The following ADCK5 variants were observed in gnomAD, a reference collection of about 807,000 sequenced individuals.
ADCK5 encodes aarF domain containing kinase 5.
A neutral mutation model predicts 64.9 loss-of-function variants in ADCK5; 43 were observed. That is an observed-to-expected ratio of 0.66 (90% CI 0.52 to 0.85). The LOEUF is 0.85. Ranked by LOEUF, ADCK5 falls within the 40% of genes least tolerant of loss-of-function variation. ADCK5 has a pLI of 0.00. For missense variants in ADCK5, 760 were observed against 810.5 expected, an observed-to-expected ratio of 0.94 and a Z score of 0.76; for synonymous variants, 434 against 342.8, an observed-to-expected ratio of 1.27 and a Z score of -2.94.
rs1179384183 is a variant in ADCK5, at chr8:144,384,905, G to A, written c.266+1675G>A. Among the ~76,000 whole-genome samples the A allele has an allele frequency of 3.3e-5, 5 of 152,198 alleles. No homozygotes were observed. The highest frequency in any genetic ancestry group is 1.3e-4 in the Admixed American group (2 of 15,276). Reference sequence around the variant, plus strand: ...TGCACGTTCTCCTTGGCTCTAAGCCGTCACGGTTGCATAGACAAGCAGGCC... The same window carrying A: ...TGCACGTTCTCCTTGGCTCTAAGCCATCACGGTTGCATAGACAAGCAGGCC... On this transcript the variant is annotated intron_variant, in intron 3 of 14. Coordinates refer to ENST00000308860, the MANE Select transcript of ADCK5 (RefSeq NM_174922.5). The surrounding 1 kb of genome is among the most constrained non-coding windows in gnomAD (Gnocchi z 5.7).
At chr8:144,392,418 T>TGC in intron 12 of ADCK5, 27 bp from the exon 13 acceptor site, 3 of 799,202 alleles carry the variant, frequency 3.8e-6, no homozygotes, top group Non-Finnish European at 3.4e-6. Context: ...CAGAGCCCCC[T>TGC]CCCTCCCTCC....
rs782414039 is a variant in ADCK5 at position 144,391,990 on chromosome 8, G to C, written c.1064G>C (p.Gly355Ala). The C allele has an allele frequency of 6.2e-7, 1 of 1,612,668 alleles. No homozygotes were observed. The highest frequency in any genetic ancestry group is 8.5e-7 in the Non-Finnish European group (1 of 1,179,950). ...KAFAEQIFYT[G>A]FIHSDPHPGN... ...TTTGCTGAGCAGATATTTTACACCG[G>C]CTTCATCCACTCGGACCCACATCCT... The change falls in exon 10 of 15, where the codon GGC becomes GCC. Residue 355 changes from glycine (G) to alanine (A), a missense_variant. Transcript: ENST00000308860.
chr8:144,393,062 C>T lies in ADCK5; in HGVS notation c.1731C>T (p.Tyr577=), dbSNP rs1472148815. The T allele has an allele frequency of 1.5e-5, 23 of 1,580,126 alleles. No individual in the cohort carries two copies. Among genetic ancestry groups the T allele is most frequent in the Non-Finnish European group, 1.8e-5 (21 of 1,167,624 alleles). ...CCCCAGCGGAGGAGCTCTACCAGTA[C>T]CTGGAGACCTAGGGTGCAGCCGCCC... ...LVPPAEELYQ[Y]LET Residue 577 remains tyrosine (Y), a synonymous_variant, in exon 15 of 15, where the codon TAC becomes TAT. Coordinates refer to ENST00000308860, the MANE Select transcript of ADCK5 (RefSeq NM_174922.5).
At chr8:144,378,494 C>T (rs1819468132) in intron 1 of ADCK5, among the ~76,000 whole-genome samples, 2 of 152,134 alleles carry the variant, frequency 1.3e-5, no homozygotes, top group South Asian at 4.1e-4. Flanking sequence ...TTCACCCATA[C>T]TGTGCTTGCT....
In ADCK5 at chr8:144,392,690, G is replaced by A; in HGVS notation, c.1513G>A (p.Ala505Thr). 6.3e-7 allele frequency: 1 copy of A among 1,595,214 alleles called. No individual in the cohort carries two copies. ...GAPVDRYFLMAKRAVRGWSRL... is the reference protein window; with the variant it reads ...GAPVDRYFLMTKRAVRGWSRL... ...CCCCGTGGACCGCTACTTCCTTATG[G>A]CTAAAAGGTCGGTGGCCCGAGGAGG... The change falls in exon 13 of 15, where the codon GCT (alanine) becomes ACT (threonine). Residue 505 changes from alanine (A) to threonine (T), a missense_variant. Ala to Thr is a moderately conservative substitution (Grantham distance 58, BLOSUM62 0). Coordinates refer to ENST00000308860, the MANE Select transcript of ADCK5 (RefSeq NM_174922.5).
rs1423253981 is a variant in ADCK5 at position 144,384,001 on chromosome 8, C to T, written c.266+771C>T. ...CCGCCTCCCTGGTTCACGCCATTCT[C>T]CTGCCTCAGCCTCCTGAGTAGCCGG... On this transcript the variant is annotated intron_variant, in intron 3 of 14. Coordinates refer to ENST00000308860, the MANE Select transcript of ADCK5 (RefSeq NM_174922.5). The surrounding 1 kb of genome is among the most constrained non-coding windows in gnomAD (Gnocchi z 5.7). 1.3e-5 allele frequency among the ~76,000 whole-genome samples: 2 copies of T among 151,090 alleles called. No individual in the cohort carries two copies. Among genetic ancestry groups the T allele is most frequent in the African/African-American group, 2.4e-5 (1 of 40,930 alleles).
At position 144,392,458 on chromosome 8, in the gene ADCK5, C is replaced by T. The variant is rs1260876438; in HGVS notation, c.1281C>T (p.Phe427=). The T allele has an allele frequency of 1.7e-6, 2 of 1,143,348 alleles. No homozygotes were observed. The highest frequency in any genetic ancestry group is 6.1e-5 in the East Asian group (1 of 16,328). 70.8% of individuals were successfully genotyped at this position (1,143,348 alleles called of 1,614,324 possible). ...AALGVQDYLL[F]AEMLMQRPVR... is the part of the protein sequence containing the mutation. ...CTCCCTCCCCAGACTACCTCCTGTT[C>T]GCCGAGATGCTCATGCAGCGCCCCG... Residue 427 remains phenylalanine (F), a synonymous_variant, in exon 13 of 15, where the codon TTC becomes TTT. Coordinates refer to ENST00000308860, the MANE Select transcript of ADCK5 (RefSeq NM_174922.5).
chr8:144,383,080 G>A lies in ADCK5; in HGVS notation c.117-1G>A. ...CTCCAGGCTGCATTGTCTCTCCTCA[G>A]GTTCTCCAGCCCCACACCCCTGTGG... On this transcript the variant is annotated splice_acceptor_variant, in intron 2 of 14. Transcript: ENST00000308860. LOFTEE classifies it high-confidence loss of function. 2 of 1,587,180 alleles carry A rather than the reference G, an allele frequency of 1.3e-6. No individual in the cohort carries two copies. The highest frequency in any genetic ancestry group is 1.7e-6 in the Non-Finnish European group (2 of 1,166,878).
chr8:144,392,417 C>CGGCCCG, intron 12 of ADCK5, 28 bp from the exon 13 acceptor site: 14 of 1,325,592 alleles, frequency 1.1e-5, no homozygotes, highest in Non-Finnish European at 1.4e-5. Flanking sequence ...TCAGAGCCCC[C>CGGCCCG]TCCCTCCCTC....
At position 144,392,582 on chromosome 8, in the gene ADCK5, G is replaced by A; in HGVS notation, c.1405G>A (p.Val469Met). 6.3e-7 allele frequency: 1 copy of A among 1,577,634 alleles called. No individual in the cohort carries two copies. The highest frequency in any genetic ancestry group is 1.3e-5 in the African/African-American group (1 of 74,498). ...CGAGCGCTTCGAGGCCGTCATGGCG[G>A]TGCTCAGGGAGCTGCCGCGGCCCAT... ...ARERFEAVMA[V>M]LRELPRPMLL... Residue 469 changes from valine to methionine, a missense_variant, in exon 13 of 15, where the codon GTG (valine) becomes ATG (methionine). Coordinates refer to ENST00000308860, the MANE Select transcript of ADCK5 (RefSeq NM_174922.5).
intron 1 of ADCK5, chr8:144,375,728 C>G (rs1412000595): frequency 1.1e-6 from 1 of 871,698 alleles, no homozygotes; most frequent in Non-Finnish European, 1.4e-6. Context: ...TCCGTTTGTG[C>G]AGACAGACTG....
chr8:144,387,397 T>TA, intron 3 of ADCK5, among the ~76,000 whole-genome samples: 1 of 152,126 alleles, frequency 6.6e-6, no homozygotes, highest in Non-Finnish European at 1.5e-5. Flanking sequence ...CCCAGCAGTT[T>TA]GTTTGTTTCT....
In ADCK5 at chr8:144,392,868, T is replaced by C. The variant is rs1193326755; in HGVS notation, c.1613T>C (p.Met538Thr). 2 of 1,601,210 alleles carry C rather than the reference T, an allele frequency of 1.2e-6. No individual in the cohort carries two copies. The highest frequency in any genetic ancestry group is 1.7e-6 in the Non-Finnish European group (2 of 1,176,956). The change falls in exon 14 of 15, where the codon ATG becomes ACG. Residue 538 changes from methionine to threonine, a missense_variant. By Grantham distance (81) the Met-to-Thr change is moderately conservative. Coordinates refer to ENST00000308860, the MANE Select transcript of ADCK5 (RefSeq NM_174922.5). ...LLRHAKVVWE[M>T]LKFEVALRLE... ...CGCCACGCCAAGGTCGTCTGGGAGA[T>C]GCTCAAGTTTGAAGTGGCGCTCAGG... is the stretch of plus-strand genomic sequence containing the variant.
In ADCK5 at chr8:144,378,936, T is replaced by C. The variant is rs542414333; in HGVS notation, c.13-451T>C. ...TTACCCAGTCTTGCTTGGGTAGTTC[T>C]TTTTTTTTTTTTCTTGAGATGGAGT... On this transcript the variant is annotated intron_variant, in intron 1 of 14. Transcript: ENST00000308860. 7.9e-5 allele frequency among the ~76,000 whole-genome samples: 11 copies of C among 139,800 alleles called. No individual in the cohort carries two copies. In the East Asian group the frequency reaches 2.2e-3, roughly 28 times the overall value. 91.7% of individuals were successfully genotyped at this position (139,800 alleles called of 152,430 possible). A position where few individuals can be genotyped will look rare whatever the true frequency, so the allele number is the denominator to read the frequency against.
chr8:144,390,384 C>T (rs1820156141), intron 3 of ADCK5, among the ~76,000 whole-genome samples: 2 of 152,234 alleles, frequency 1.3e-5, no homozygotes, highest in African/African-American at 4.8e-5. Context: ...CCAGCACAGC[C>T]TCCCAATGTG....
chr8:144,383,344 TGCA>T, intron 3 of ADCK5, 114 bp downstream of exon 3: 1 of 1,375,598 alleles, frequency 7.3e-7, no homozygotes, highest in African/African-American at 1.5e-5. Flanking sequence ...CTGGGAGGCC[TGCA>T]GAGCTTGCTG....
intron 1 of ADCK5, among the ~76,000 whole-genome samples, chr8:144,374,840 C>T (rs953373484): frequency 1.3e-5 from 2 of 152,208 alleles, no homozygotes; most frequent in Non-Finnish European, 2.9e-5. Flanking sequence ...CGTCTCCCCG[C>T]TCCCACGTCG....
intron 3 of ADCK5, among the ~76,000 whole-genome samples, chr8:144,385,546 C>CTGAG (rs1190219948): frequency 1.3e-5 from 2 of 151,334 alleles, no homozygotes; most frequent in African/African-American, 2.4e-5. Flanking sequence ...CTTTGAGAGG[C>CTGAG]TGAGGCAGGG....
chr8:144,378,724 C>T (rs1819475549), intron 1 of ADCK5, among the ~76,000 whole-genome samples: 1 of 151,898 alleles, frequency 6.6e-6, no homozygotes, highest in African/African-American at 2.4e-5. Context: ...TACTAAAATA[C>T]AAAAATTAGC....
Sources: gnomAD v4.1 joint callset for allele counts (sites outside exome capture counted in the v4.1 genomes callset) on GRCh38, gnomAD v4.1.1 for gene constraint, Gnocchi (gnomAD v3.1) non-coding constraint, MANE v1.5 for transcripts, NCBI Gene and HGNC (gene_info 2026-07-23, HGNC 2026-07-21) for gene names.